Variants in EPHB1 observed in about 807,000 individuals in gnomAD.
The protein encoded by EPHB1 is EPH receptor B1, also known as ephrin type-B receptor 1.
EPHB1 carries 30 observed loss-of-function variants against 94.4 expected under a neutral mutation model. That is an observed-to-expected ratio of 0.32 (90% confidence interval 0.24 to 0.43). EPHB1 has a LOEUF of 0.43. EPHB1 is among the 20% of genes least tolerant of loss of function. The pLI is 1.00. For missense variants in EPHB1, 1,055 were observed against 1,308.3 expected, an observed-to-expected ratio of 0.81 and a Z score of 2.99; for synonymous variants, 522 against 489.1, an observed-to-expected ratio of 1.07 and a Z score of -0.89.
chr3:135,192,909 A>T, intron 11 of EPHB1, 86 bp downstream of exon 11: 1 of 1,531,004 alleles, frequency 6.5e-7, no homozygotes, highest in South Asian at 1.3e-5. Context: ...ACAACCTACC[A>T]ATCAGGAATC....
intron 3 of EPHB1, among the ~76,000 whole-genome samples, chr3:135,092,677 G>A (rs1938601706): frequency 1.3e-5 from 2 of 150,872 alleles, no homozygotes; most frequent in African/African-American, 4.9e-5. Flanking sequence ...CCTGGCTGGA[G>A]TGCAGTGGCA....
chr3:135,114,771 C>A (rs1939621459), intron 4 of EPHB1, among the ~76,000 whole-genome samples: 1 of 96,428 alleles, frequency 1.0e-5, no homozygotes, highest in Non-Finnish European at 2.4e-5. Flanking sequence ...ATAAATAAAA[C>A]AATATTTGGC....
At chr3:134,801,662 G>A (rs1182961671) in intron 1 of EPHB1, among the ~76,000 whole-genome samples, 1 of 152,182 alleles carries the variant, frequency 6.6e-6, no homozygotes, top group Non-Finnish European at 1.5e-5. Context: ...GTAACACCTT[G>A]GGAAAGATTT....
intron 3 of EPHB1, among the ~76,000 whole-genome samples, chr3:134,963,715 C>T (rs1020387376): frequency 6.6e-6 from 1 of 151,906 alleles, no homozygotes; most frequent in African/African-American, 2.4e-5. Context: ...TGCTGGTAAC[C>T]ACTATTCTCT....
At chr3:134,864,140 G>A (rs1170011387) in intron 1 of EPHB1, among the ~76,000 whole-genome samples, 1 of 152,194 alleles carries the variant, frequency 6.6e-6, no homozygotes, top group Non-Finnish European at 1.5e-5. Flanking sequence ...GCCTTTGTAT[G>A]TTTTATGTGG....
chr3:134,846,296 A>G (rs912083532), intron 1 of EPHB1, among the ~76,000 whole-genome samples: 3 of 152,310 alleles, frequency 2.0e-5, no homozygotes, highest in Admixed American at 6.5e-5. Context: ...GAAGCCAATT[A>G]TGAAGTGGTT....
chr3:135,020,478 C>T (rs953512782), intron 3 of EPHB1, among the ~76,000 whole-genome samples: 1 of 152,228 alleles, frequency 6.6e-6, no homozygotes, highest in African/African-American at 2.4e-5. Context: ...TTTGCCATCT[C>T]TATGGATTTG....
At chr3:135,256,574 C>T (rs992694751) in intron 15 of EPHB1, among the ~76,000 whole-genome samples, 5 of 152,206 alleles carry the variant, frequency 3.3e-5, no homozygotes, top group African/African-American at 1.2e-4. Flanking sequence ...TGTAGGGTTT[C>T]TGCCGAGAGA....
At chr3:134,999,215 G>A (rs1447184727) in intron 3 of EPHB1, among the ~76,000 whole-genome samples, 1 of 152,032 alleles carries the variant, frequency 6.6e-6, no homozygotes, top group Non-Finnish European at 1.5e-5. Flanking sequence ...AAAAACAAAA[G>A]GGAAAGAAAA....
In EPHB1 at chr3:134,861,731, G is replaced by C. The variant is rs566515845; in HGVS notation, c.59-64085G>C. Among the ~76,000 whole-genome samples the C allele has an allele frequency of 2.1e-3, 318 of 152,232 alleles. 2 individuals are homozygous for C. The highest frequency in any genetic ancestry group is 0.014 in the Middle Eastern group (4 of 294). ...AAATAATAGCTTGTTTGGCATCGGG[G>C]GAGGGAGAGCATCAGGATAAGTAAC... On this transcript the variant is annotated intron_variant, in intron 1 of 15. Coordinates refer to ENST00000398015, the MANE Select transcript of EPHB1 (RefSeq NM_004441.5).
chr3:135,100,809 C>T (rs1049667278), intron 3 of EPHB1, among the ~76,000 whole-genome samples: 7 of 152,084 alleles, frequency 4.6e-5, no homozygotes, highest in African/African-American at 1.7e-4. Context: ...GTGACATGCA[C>T]CTATCCCTTG....
At chr3:134,811,193 G>A (rs1302014825) in intron 1 of EPHB1, among the ~76,000 whole-genome samples, 1 of 145,368 alleles carries the variant, frequency 6.9e-6, no homozygotes, top group East Asian at 2.1e-4. Flanking sequence ...AGCTAAACCA[G>A]CATTTCTCAA....
At chr3:135,161,396 A>G (rs1032927749) in intron 6 of EPHB1, among the ~76,000 whole-genome samples, 2 of 152,136 alleles carry the variant, frequency 1.3e-5, no homozygotes, top group African/African-American at 4.8e-5. Flanking sequence ...TGGGGGATGC[A>G]CTCTCAGACA....
chr3:135,059,493 G>T (rs975582727), intron 3 of EPHB1, among the ~76,000 whole-genome samples: 1 of 152,154 alleles, frequency 6.6e-6, no homozygotes, highest in African/African-American at 2.4e-5. Context: ...GGGAGGGAGA[G>T]GGGGAGGGAA....
At chr3:135,124,947 T>C (rs1940138985) in intron 4 of EPHB1, among the ~76,000 whole-genome samples, 1 of 151,614 alleles carries the variant, frequency 6.6e-6, no homozygotes, top group Admixed American at 6.6e-5. Flanking sequence ...CTTTGGACCC[T>C]CAGCACAATT....
At chr3:135,060,599 T>G (rs1937469964) in intron 3 of EPHB1, among the ~76,000 whole-genome samples, 1 of 152,226 alleles carries the variant, frequency 6.6e-6, no homozygotes, top group African/African-American at 2.4e-5. Context: ...TGAAGCATTA[T>G]CAGACAGTTT....
intron 2 of EPHB1, among the ~76,000 whole-genome samples, chr3:134,937,062 G>A (rs1364477028): frequency 1.3e-5 from 2 of 152,246 alleles, no homozygotes; most frequent in Non-Finnish European, 2.9e-5. Context: ...GAGGCTTAAT[G>A]TGGGAGCTGA....
intron 1 of EPHB1, among the ~76,000 whole-genome samples, chr3:134,842,438 G>T (rs544735428): frequency 6.6e-6 from 1 of 152,274 alleles, no homozygotes; most frequent in South Asian, 2.1e-4. Context: ...TGTTCATCCA[G>T]TACCTACTCC....
At chr3:135,156,425 C>T (rs1375242845) in intron 6 of EPHB1, among the ~76,000 whole-genome samples, 1 of 152,192 alleles carries the variant, frequency 6.6e-6, no homozygotes. Context: ...CATGACTGCA[C>T]TGGCAGCAGA....
Sources: allele counts gnomAD v4.1 joint callset (sites outside exome capture counted in the v4.1 genomes callset), GRCh38; gene constraint gnomAD v4.1.1; transcripts MANE v1.5; gene names NCBI Gene and HGNC (gene_info 2026-07-23, HGNC 2026-07-21).